Variants in GDF11 observed in about 807,000 individuals in gnomAD.
The protein encoded by GDF11 is growth/differentiation factor 11.
In GDF11, 12 loss-of-function variants were observed where a neutral mutation model predicts 34.4. The observed-to-expected ratio is 0.35, with a 90% CI of 0.22 to 0.57. GDF11 has a LOEUF of 0.57. GDF11 is among the 20% of genes least tolerant of loss of function. GDF11 has a pLI of 0.86. For synonymous variants in GDF11, 212 were observed against 231.1 expected (o/e 0.92, Z 0.75); for missense variants, 346 against 548.2 (o/e 0.63, Z 3.68).
chr12:55,744,727 C>T (rs1592542754), intron 1 of GDF11, among the ~76,000 whole-genome samples: 2 of 151,626 alleles, frequency 1.3e-5, no homozygotes, highest in Admixed American at 1.3e-4. Flanking sequence ...CTACAGGGAA[C>T]CAGGCCTCTC....
chr12:55,753,303 C>G lies in GDF11; in HGVS notation c.*3421C>G, dbSNP rs542338859. Reference sequence around the variant, plus strand: ...TTCCTCAACGAAGTTTGACAAAAATCTAAACCAACATAGCCAACGAACTTG... The same window carrying G: ...TTCCTCAACGAAGTTTGACAAAAATGTAAACCAACATAGCCAACGAACTTG... On this transcript the variant is annotated 3_prime_UTR_variant, in exon 3 of 3. Transcript: ENST00000257868. 1 of 152,334 alleles carries G rather than the reference C, an allele frequency of 6.6e-6. No homozygotes were observed. The highest frequency in any genetic ancestry group is 6.5e-5 in the Admixed American group (1 of 15,306). The allele number at this position is 152,334 out of a possible 1,614,324, so 9.4% of individuals were successfully genotyped here. A position where few individuals can be genotyped will look rare whatever the true frequency, so the allele number is the denominator to read the frequency against.
Position 55,743,327 on chromosome 12 carries a change from C to T in GDF11, c.11C>T (p.Ala4Val). 2.0e-6 allele frequency: 2 copies of T among 985,492 alleles called. No individual in the cohort carries two copies. Among genetic ancestry groups the T allele is most frequent in the South Asian group, 4.5e-5 (1 of 22,138 alleles). The allele number at this position is 985,492 out of a possible 1,614,324, so 61.0% of individuals were successfully genotyped here. A position where few individuals can be genotyped will look rare whatever the true frequency, so the allele number is the denominator to read the frequency against. Residue 4 changes from alanine (A) to valine (V), a missense_variant, in exon 1 of 3, where the codon GCG becomes GTG. By Grantham distance (64) the Ala-to-Val change is moderately conservative (BLOSUM62 0). This residue lies in a region of GDF11 where 141 missense variants were observed against 213.8 expected (regional missense o/e 0.66). Coordinates refer to ENST00000257868, the MANE Select transcript of GDF11 (RefSeq NM_005811.5). MVL[A>V]APLLLGFLLL... ...CCCCTCCCCTCCAGCATGGTGCTCG[C>T]GGCCCCGCTGCTGCTGGGCTTCCTG...
rs374221911 is a variant in GDF11 at position 55,748,580 on chromosome 12, T to C, written c.446-6T>C. The stretch of plus-strand genomic sequence containing the variant: ...TTGCTGATGCTGTGCCCTTCTCTCT[T>C]ATCAGCGGACCCAGCAGTACAGACA... On this transcript the variant is annotated splice_region_variant and splice_polypyrimidine_tract_variant and intron_variant, in intron 1 of 2. Coordinates refer to ENST00000257868, the MANE Select transcript of GDF11 (RefSeq NM_005811.5). The surrounding 1 kb of genome is among the most constrained non-coding windows in gnomAD (Gnocchi z 5.6). 1.2e-6 allele frequency: 2 copies of C among 1,600,352 alleles called. No homozygotes were observed. The highest frequency in any genetic ancestry group is 1.3e-5 in the African/African-American group (1 of 74,694).
rs758834283 is a variant in GDF11, at chr12:55,743,768, G to A, written c.445+7G>A. 2 of 1,523,818 alleles carry A rather than the reference G, an allele frequency of 1.3e-6. No individual in the cohort carries two copies. The highest frequency in any genetic ancestry group is 1.2e-5 in the South Asian group (1 of 84,034). The allele number at this position is 1,523,818 out of a possible 1,614,324, so 94.4% of individuals were successfully genotyped here. A position where few individuals can be genotyped will look rare whatever the true frequency, so the allele number is the denominator to read the frequency against. ...ATTAGCATGGCCCAGGAGAGTAAGT[G>A]GGCTGCGGGGCGCGAGCAGTGGGGT... On this transcript the variant is annotated splice_region_variant and intron_variant, in intron 1 of 2. Transcript: ENST00000257868.
Position 55,749,582 on chromosome 12 carries a change from A to C in GDF11, c.924A>C (p.Ser308=). Residue 308 remains serine, a synonymous_variant, in exon 3 of 3, where the codon TCA becomes TCC. Coordinates refer to ENST00000257868, the MANE Select transcript of GDF11 (RefSeq NM_005811.5). This position sits in a 1 kb window ranked among gnomAD's most constrained non-coding sequence, Gnocchi z 5.6. ...TGGGTCTGGACTGCGACGAGCACTC[A>C]AGCGAGTCCCGCTGCTGCCGATATC... The part of the protein sequence containing the change: ...RNLGLDCDEH[S]SESRCCRYPL... The C allele has an allele frequency of 1.2e-6, 2 of 1,614,136 alleles. No individual in the cohort carries two copies. The highest frequency in any genetic ancestry group is 1.7e-6 in the Non-Finnish European group (2 of 1,180,012).
At position 55,749,807 on chromosome 12, in the gene GDF11, C is replaced by G. The variant is rs1269693728; in HGVS notation, c.1149C>G (p.Leu383=). ...CCAAGATGTCCCCAATCAACATGCT[C>G]TACTTCAATGACAAGCAGCAGATTA... The part of the protein sequence containing the change: ...TPTKMSPINM[L]YFNDKQQIIY... Residue 383 remains leucine (L), a synonymous_variant, in exon 3 of 3, where the codon CTC becomes CTG. Coordinates refer to ENST00000257868, the MANE Select transcript of GDF11 (RefSeq NM_005811.5). The surrounding 1 kb of genome is among the most constrained non-coding windows in gnomAD (Gnocchi z 5.6). 1.9e-6 allele frequency: 3 copies of G among 1,614,034 alleles called. No individual in the cohort carries two copies. Among genetic ancestry groups the G allele is most frequent in the Admixed American group, 3.3e-5 (2 of 60,012 alleles).
rs1181062167 is a variant in GDF11 at position 55,756,382 on chromosome 12, CAG to C, written c.*6504_*6505del. 6.6e-6 allele frequency: 1 copy of C among 152,126 alleles called. No homozygotes were observed. The highest frequency in any genetic ancestry group is 1.5e-5 in the Non-Finnish European group (1 of 68,042). 9.4% of individuals were successfully genotyped at this position (152,126 alleles called of 1,614,324 possible). A position where few individuals can be genotyped will look rare whatever the true frequency, so the allele number is the denominator to read the frequency against. ...TTAGGTCCCTGCTTTCCTCACCAAC[CAG>C]AGACTTTGGAGAAATAAAGAGATAT... On this transcript the variant is annotated 3_prime_UTR_variant, in exon 3 of 3. Coordinates refer to ENST00000257868, the MANE Select transcript of GDF11 (RefSeq NM_005811.5).
chr12:55,749,369 G>T lies in GDF11; in HGVS notation c.844-133G>T. 1.1e-6 allele frequency: 1 copy of T among 946,562 alleles called. No homozygotes were observed. Among genetic ancestry groups the T allele is most frequent in the East Asian group, 2.4e-5 (1 of 40,824 alleles). 58.6% of individuals were successfully genotyped at this position (946,562 alleles called of 1,614,324 possible). On this transcript the variant is annotated intron_variant, in intron 2 of 2. Coordinates refer to ENST00000257868, the MANE Select transcript of GDF11 (RefSeq NM_005811.5). This position sits in a 1 kb window ranked among gnomAD's most constrained non-coding sequence, Gnocchi z 5.6. ...GAAAAGTGGGCAAAAGATAAATTCT[G>T]GGGGTGGGAGCAATGGAAAAGCTGA...
intron 1 of GDF11, among the ~76,000 whole-genome samples, chr12:55,747,419 C>G (rs184723470): frequency 1.2e-4 from 18 of 152,290 alleles, no homozygotes; most frequent in Non-Finnish European, 1.9e-4. Context: ...GACAGGACAC[C>G]CTAAGTCCAT....
In GDF11 at chr12:55,753,012, C is replaced by CGA. The variant is rs1555170725; in HGVS notation, c.*3130_*3131insGA. On this transcript the variant is annotated 3_prime_UTR_variant, in exon 3 of 3. Transcript: ENST00000257868. ...GGGTCCTGGAGCAAGACAGAAAACA[C>CGA]TAAGGGCATGGTGGTATAAGGTTTG... 6.6e-6 allele frequency: 1 copy of CGA among 152,198 alleles called. No individual in the cohort carries two copies. Among genetic ancestry groups the CGA allele is most frequent in the Non-Finnish European group, 1.5e-5 (1 of 68,048 alleles). 9.4% of individuals were successfully genotyped at this position (152,198 alleles called of 1,614,324 possible). A position where few individuals can be genotyped will look rare whatever the true frequency, so the allele number is the denominator to read the frequency against.
chr12:55,749,941 C>T lies in GDF11; in HGVS notation c.*59C>T. The T allele has an allele frequency of 7.0e-7, 1 of 1,428,682 alleles. No homozygotes were observed. Among genetic ancestry groups the T allele is most frequent in the South Asian group, 1.3e-5 (1 of 78,730 alleles). 88.5% of individuals were successfully genotyped at this position (1,428,682 alleles called of 1,614,324 possible). On this transcript the variant is annotated 3_prime_UTR_variant, in exon 3 of 3. Transcript: ENST00000257868. The surrounding 1 kb of genome is among the most constrained non-coding windows in gnomAD (Gnocchi z 5.6). ...CTACCCCAAGACCCCTAGCCCTGCC[C>T]CCATCCCCCCAAGCCCTAGAGCTCC...
Position 55,743,643 on chromosome 12 carries a change from G to T in GDF11, c.327G>T (p.Pro109=). The T allele has an allele frequency of 6.2e-7, 1 of 1,604,700 alleles. No homozygotes were observed. Residue 109 remains proline (P), a synonymous_variant, in exon 1 of 3, where the codon CCG becomes CCT. Transcript: ENST00000257868. ...VVKQLLPKAP[P]LQQILDLHDF... ...AGCAGCTGCTGCCCAAGGCGCCGCC[G>T]CTGCAGCAGATCCTGGACCTACACG...
chr12:55,755,555 G>A lies in GDF11; in HGVS notation c.*5673G>A, dbSNP rs1259784059. 6.6e-6 allele frequency: 1 copy of A among 152,100 alleles called. No individual in the cohort carries two copies. Among genetic ancestry groups the A allele is most frequent in the Non-Finnish European group, 1.5e-5 (1 of 68,016 alleles). 9.4% of individuals were successfully genotyped at this position (152,100 alleles called of 1,614,324 possible). A position where few individuals can be genotyped will look rare whatever the true frequency, so the allele number is the denominator to read the frequency against. ...GTAGGGAAACGGGGAGAGGAAGGAA[G>A]GGTACTAAGATCTCAGGTAAACAAT... On this transcript the variant is annotated 3_prime_UTR_variant, in exon 3 of 3. Coordinates refer to ENST00000257868, the MANE Select transcript of GDF11 (RefSeq NM_005811.5).
intron 1 of GDF11, among the ~76,000 whole-genome samples, chr12:55,744,015 A>AC (rs1463844975): frequency 6.6e-6 from 1 of 152,032 alleles, no homozygotes; most frequent in African/African-American, 2.4e-5. Context: ...AGTGCCTTCC[A>AC]CCCCCAGTAT....
rs2136164532 is a variant in GDF11 at position 55,743,479 on chromosome 12, G to A, written c.163G>A (p.Val55Met). ...GCGCTCCAGCCGGCCAGCCCCGTCC[G>A]TGGCGCCCGAGCCGGACGGCTGCCC... The part of the protein sequence containing the change: ...GERSSRPAPS[V>M]APEPDGCPVC... Residue 55 changes from valine to methionine, a missense_variant, in exon 1 of 3, where the codon GTG becomes ATG. This residue lies in a region of GDF11 where 141 missense variants were observed against 213.8 expected (regional missense o/e 0.66). Coordinates refer to ENST00000257868, the MANE Select transcript of GDF11 (RefSeq NM_005811.5). 1.3e-6 allele frequency: 2 copies of A among 1,504,756 alleles called. No homozygotes were observed. Among genetic ancestry groups the A allele is most frequent in the Non-Finnish European group, 1.8e-6 (2 of 1,128,934 alleles). 93.2% of individuals were successfully genotyped at this position (1,504,756 alleles called of 1,614,324 possible). A position where few individuals can be genotyped will look rare whatever the true frequency, so the allele number is the denominator to read the frequency against.
At position 55,748,834 on chromosome 12, in the gene GDF11, T is replaced by A; in HGVS notation, c.694T>A (p.Ser232Thr). 1 of 1,613,970 alleles carries A rather than the reference T, an allele frequency of 6.2e-7. No individual in the cohort carries two copies. The highest frequency in any genetic ancestry group is 8.5e-7 in the Non-Finnish European group (1 of 1,180,018). The change falls in exon 2 of 3, where the codon TCA becomes ACA. Residue 232 changes from serine to threonine, a missense_variant. This residue lies in a region of GDF11 where 205 missense variants were observed against 311.3 expected (regional missense o/e 0.66). Transcript: ENST00000257868. This position sits in a 1 kb window ranked among gnomAD's most constrained non-coding sequence, Gnocchi z 5.6. ...ACTGAAGATTGAGCTGCACTCACGC[T>A]CAGGCCATTGGCAGAGCATCGACTT... Reference protein sequence around the residue: ...RSLKIELHSRSGHWQSIDFKQ... With the variant: ...RSLKIELHSRTGHWQSIDFKQ...
In GDF11 at chr12:55,749,948, C is replaced by T. The variant is rs1565666159; in HGVS notation, c.*66C>T. ...AAGACCCCTAGCCCTGCCCCCATCC[C>T]CCCAAGCCCTAGAGCTCCCTCCACT... On this transcript the variant is annotated 3_prime_UTR_variant, in exon 3 of 3. Transcript: ENST00000257868. The surrounding 1 kb of genome is among the most constrained non-coding windows in gnomAD (Gnocchi z 5.6). The T allele has an allele frequency of 1.4e-6, 2 of 1,388,154 alleles. No individual in the cohort carries two copies. Among genetic ancestry groups the T allele is most frequent in the Admixed American group, 1.9e-5 (1 of 52,144 alleles). 86.0% of individuals were successfully genotyped at this position (1,388,154 alleles called of 1,614,324 possible).
rs1878477525 is a variant in GDF11, at chr12:55,755,467, G to C, written c.*5585G>C. ...CTCATTAAGAGCTTCCAGGTATGCA[G>C]AGAATGTCACAGCTTCAGGAATTGG... is the stretch of plus-strand genomic sequence containing the variant. On this transcript the variant is annotated 3_prime_UTR_variant, in exon 3 of 3. Coordinates refer to ENST00000257868, the MANE Select transcript of GDF11 (RefSeq NM_005811.5). The C allele has an allele frequency of 2.6e-5, 4 of 152,346 alleles. No individual in the cohort carries two copies. In the South Asian group the frequency reaches 8.3e-4, roughly 32 times the overall value. 9.4% of individuals were successfully genotyped at this position (152,346 alleles called of 1,614,324 possible). A position where few individuals can be genotyped will look rare whatever the true frequency, so the allele number is the denominator to read the frequency against.
In GDF11 at chr12:55,756,723, T is replaced by A. The variant is rs996738847; in HGVS notation, c.*6841T>A. On this transcript the variant is annotated 3_prime_UTR_variant, in exon 3 of 3. Transcript: ENST00000257868. ...ATGTTCCCAATGATTTAGCTAACAA[T>A]GCGTAACAGCTCTGACATCCTCTGT... 1 of 152,246 alleles carries A rather than the reference T, an allele frequency of 6.6e-6. No individual in the cohort carries two copies. The highest frequency in any genetic ancestry group is 1.5e-5 in the Non-Finnish European group (1 of 68,044). The allele number at this position is 152,246 out of a possible 1,614,324, so 9.4% of individuals were successfully genotyped here. A position where few individuals can be genotyped will look rare whatever the true frequency, so the allele number is the denominator to read the frequency against.
Sources: gnomAD v4.1 joint callset for allele counts (sites outside exome capture counted in the v4.1 genomes callset) on GRCh38, gnomAD v4.1.1 for gene constraint, gnomAD v4.1.1 regional missense constraint, Gnocchi (gnomAD v3.1) non-coding constraint, MANE v1.5 for transcripts, NCBI Gene and HGNC (gene_info 2026-07-23, HGNC 2026-07-21) for gene names.